PRNP: variants seen among roughly 807,000 people sequenced by gnomAD.
PRNP encodes the protein prion protein (Kanno blood group).
In PRNP, 15 loss-of-function variants were observed where a neutral mutation model predicts 21.3. The observed-to-expected ratio is 0.71, with a 90% CI of 0.47 to 1.09. The LOEUF is 1.09. PRNP is among the 50% of genes least tolerant of loss of function. PRNP has a pLI of 0.00. For synonymous variants in PRNP, 121 were observed against 123.1 expected, an observed-to-expected ratio of 0.98 and a Z score of 0.11; for missense variants, 285 against 340.9, an observed-to-expected ratio of 0.84 and a Z score of 1.29.
chr20:4,699,346 C>A lies in PRNP; in HGVS notation c.126C>A (p.Gly42=). The part of the protein sequence containing the change: ...NTGGSRYPGQ[G]SPGGNRYPPQ... ...GGGGCAGCCGATACCCGGGGCAGGG[C>A]AGCCCTGGAGGCAACCGCTACCCAC... is the stretch of plus-strand genomic sequence containing the variant. The change falls in exon 2 of 2, where the codon GGC becomes GGA. Residue 42 remains glycine (G), a synonymous_variant. Coordinates refer to ENST00000379440, the MANE Select transcript of PRNP (RefSeq NM_000311.5). The surrounding 1 kb of genome is among the most constrained non-coding windows in gnomAD (Gnocchi z 5.8). 1 of 1,613,716 alleles carries A rather than the reference C, an allele frequency of 6.2e-7. No individual in the cohort carries two copies. Among genetic ancestry groups the A allele is most frequent in the Non-Finnish European group, 8.5e-7 (1 of 1,179,912 alleles).
chr20:4,699,871 G>A lies in PRNP; in HGVS notation c.651G>A (p.Gln217=). 6.2e-7 allele frequency: 1 copy of A among 1,613,718 alleles called. No individual in the cohort carries two copies. The highest frequency in any genetic ancestry group is 8.5e-7 in the Non-Finnish European group (1 of 1,179,946). The change falls in exon 2 of 2, where the codon CAG becomes CAA. Residue 217 remains glutamine (Q), a synonymous_variant. Transcript: ENST00000379440. This position sits in a 1 kb window ranked among gnomAD's most constrained non-coding sequence, Gnocchi z 5.8. ...ERVVEQMCIT[Q]YERESQAYYQ... The stretch of plus-strand genomic sequence containing the variant: ...TGGTTGAGCAGATGTGTATCACCCA[G>A]TACGAGAGGGAATCTCAGGCCTATT...
intron 1 of PRNP, among the ~76,000 whole-genome samples, chr20:4,696,473 C>G (rs1235315364): frequency 6.6e-6 from 1 of 152,202 alleles, no homozygotes; most frequent in Non-Finnish European, 1.5e-5. Flanking sequence ...GACCTTCAGT[C>G]CCACAACCTT....
intron 1 of PRNP, among the ~76,000 whole-genome samples, chr20:4,694,398 TA>T (rs1357160962): frequency 6.6e-6 from 1 of 152,174 alleles, no homozygotes; most frequent in Non-Finnish European, 1.5e-5. Flanking sequence ...AAATATTTCT[TA>T]AATGAATTAA....
In PRNP at chr20:4,700,054, C is replaced by T. The variant is rs948700615; in HGVS notation, c.*72C>T. On this transcript the variant is annotated 3_prime_UTR_variant, in exon 2 of 2. Transcript: ENST00000379440. The surrounding 1 kb of genome is among the most constrained non-coding windows in gnomAD (Gnocchi z 4.1). ...GAGGGAGGCGGTATCCACCTGCAGC[C>T]CTTTTAGTGGTGGTGTCTCACTCTT... 1 of 1,552,390 alleles carries T rather than the reference C, an allele frequency of 6.4e-7. No individual in the cohort carries two copies. Among genetic ancestry groups the T allele is most frequent in the African/African-American group, 1.4e-5 (1 of 73,026 alleles).
chr20:4,700,221 AG>A lies in PRNP; in HGVS notation c.*240del. The A allele has an allele frequency of 7.6e-7, 1 of 1,317,134 alleles. No homozygotes were observed. The highest frequency in any genetic ancestry group is 1.5e-5 in the African/African-American group (1 of 68,344). 81.6% of individuals were successfully genotyped at this position (1,317,134 alleles called of 1,614,324 possible). ...CCGTTGCTAATGCCAGGCCAGTAAAAGTATAACAGCAAATAACCATTGGTTA... is the reference window on the plus strand; with the variant it reads ...CCGTTGCTAATGCCAGGCCAGTAAAATATAACAGCAAATAACCATTGGTTA... On this transcript the variant is annotated 3_prime_UTR_variant, in exon 2 of 2. Transcript: ENST00000379440. The surrounding 1 kb of genome is among the most constrained non-coding windows in gnomAD (Gnocchi z 4.1).
At chr20:4,692,637 G>A (rs1208317894) in intron 1 of PRNP, among the ~76,000 whole-genome samples, 2 of 152,056 alleles carry the variant, frequency 1.3e-5, no homozygotes, top group Admixed American at 6.5e-5. Context: ...AAAAATTTAG[G>A]AATGATATTG....
rs1382858633 is a variant in PRNP at position 4,699,413 on chromosome 20, T to G, written c.193T>G (p.Trp65Gly). 6.2e-7 allele frequency: 1 copy of G among 1,612,578 alleles called. No homozygotes were observed. The highest frequency in any genetic ancestry group is 8.5e-7 in the Non-Finnish European group (1 of 1,179,588). ...CTGGGGGCAGCCTCATGGTGGTGGC[T>G]GGGGGCAGCCTCATGGTGGTGGCTG... is the stretch of plus-strand genomic sequence containing the variant. ...GGWGQPHGGGWGQPHGGGWGQ... is the reference protein window; with the variant it reads ...GGWGQPHGGGGGQPHGGGWGQ... Residue 65 changes from tryptophan (W) to glycine (G), a missense_variant, in exon 2 of 2, where the codon TGG (tryptophan) becomes GGG (glycine). Transcript: ENST00000379440. The surrounding 1 kb of genome is among the most constrained non-coding windows in gnomAD (Gnocchi z 5.8).
chr20:4,694,090 A>C (rs1601015430), intron 1 of PRNP, among the ~76,000 whole-genome samples: 1 of 152,106 alleles, frequency 6.6e-6, no homozygotes, highest in South Asian at 2.1e-4. Flanking sequence ...CAAGAAAAAA[A>C]AAAAAAGGTT....
In PRNP at chr20:4,700,829, AG is replaced by A. The variant is rs1329182709; in HGVS notation, c.*848del. The A allele has an allele frequency of 6.0e-6, 1 of 167,256 alleles. No homozygotes were observed. Among genetic ancestry groups the A allele is most frequent in the Non-Finnish European group, 1.5e-5 (1 of 68,370 alleles). 10.4% of individuals were successfully genotyped at this position (167,256 alleles called of 1,614,324 possible). A position where few individuals can be genotyped will look rare whatever the true frequency, so the allele number is the denominator to read the frequency against. ...GCAGCTGAAAAGTAAATTGCCTTCT[AG>A]ACACTGAAGGCAAATCTCCTTTGTC... On this transcript the variant is annotated 3_prime_UTR_variant, in exon 2 of 2. Transcript: ENST00000379440. The surrounding 1 kb of genome is among the most constrained non-coding windows in gnomAD (Gnocchi z 4.1).
intron 1 of PRNP, among the ~76,000 whole-genome samples, chr20:4,696,059 G>A (rs1922149539): frequency 6.6e-6 from 1 of 152,042 alleles, no homozygotes; most frequent in East Asian, 1.9e-4. Flanking sequence ...TGGTTTTGTA[G>A]TGATTTCATG....
rs750069679 is a variant in PRNP at position 4,699,418 on chromosome 20, G to A, written c.198G>A (p.Gly66=). 8 of 1,612,210 alleles carry A rather than the reference G, an allele frequency of 5.0e-6. No individual in the cohort carries two copies. In the South Asian group the frequency reaches 8.8e-5, roughly 18 times the overall value. ...GGCAGCCTCATGGTGGTGGCTGGGG[G>A]CAGCCTCATGGTGGTGGCTGGGGGC... ...GWGQPHGGGW[G]QPHGGGWGQP... is the part of the protein sequence containing the mutation. Residue 66 remains glycine, a synonymous_variant, in exon 2 of 2, where the codon GGG becomes GGA. Transcript: ENST00000379440. The surrounding 1 kb of genome is among the most constrained non-coding windows in gnomAD (Gnocchi z 5.8).
chr20:4,700,908 A>G lies in PRNP; in HGVS notation c.*926A>G, dbSNP rs1012676747. The stretch of plus-strand genomic sequence containing the variant: ...GACATACAGGAGAGCTGCAGTTGTG[A>G]AAGCACCATCATCATAGAGGATGAT... On this transcript the variant is annotated 3_prime_UTR_variant, in exon 2 of 2. Transcript: ENST00000379440. The surrounding 1 kb of genome is among the most constrained non-coding windows in gnomAD (Gnocchi z 4.1). The G allele has an allele frequency of 6.0e-6, 1 of 166,858 alleles. No homozygotes were observed. Among genetic ancestry groups the G allele is most frequent in the Non-Finnish European group, 1.5e-5 (1 of 68,140 alleles). 10.3% of individuals were successfully genotyped at this position (166,858 alleles called of 1,614,324 possible).
intron 1 of PRNP, among the ~76,000 whole-genome samples, chr20:4,693,434 G>A (rs1419631750): frequency 6.6e-6 from 1 of 152,164 alleles, no homozygotes; most frequent in Non-Finnish European, 1.5e-5. Flanking sequence ...GCTTCCCAAA[G>A]TGCTGGGATT....
At chr20:4,692,762 A>G (rs2122209283) in intron 1 of PRNP, among the ~76,000 whole-genome samples, 1 of 152,262 alleles carries the variant, frequency 6.6e-6, no homozygotes, top group East Asian at 1.9e-4. Context: ...ATTGGTCATA[A>G]TGTATTCTTC....
In PRNP at chr20:4,699,616, T is replaced by C. The variant is rs760128443; in HGVS notation, c.396T>C (p.Ser132=). Residue 132 remains serine (S), a synonymous_variant, in exon 2 of 2, where the codon AGT becomes AGC. Coordinates refer to ENST00000379440, the MANE Select transcript of PRNP (RefSeq NM_000311.5). This position sits in a 1 kb window ranked among gnomAD's most constrained non-coding sequence, Gnocchi z 5.8. ...GCCTTGGCGGCTACATGCTGGGAAG[T>C]GCCATGAGCAGGCCCATCATACATT... ...VGGLGGYMLG[S]AMSRPIIHFG... is the part of the protein sequence containing the mutation. The C allele has an allele frequency of 2.5e-6, 4 of 1,613,912 alleles. No individual in the cohort carries two copies. Among genetic ancestry groups the C allele is most frequent in the Non-Finnish European group, 2.5e-6 (3 of 1,179,946 alleles).
intron 1 of PRNP, among the ~76,000 whole-genome samples, chr20:4,690,262 G>A (rs1921738803): frequency 6.6e-6 from 1 of 152,184 alleles, no homozygotes; most frequent in Non-Finnish European, 1.5e-5. Context: ...AAGGTCGGGG[G>A]TTGTTTGACA....
chr20:4,699,859 G>A lies in PRNP; in HGVS notation c.639G>A (p.Met213Ile), dbSNP rs1922471759. The change falls in exon 2 of 2, where the codon ATG becomes ATA. Residue 213 changes from methionine (M) to isoleucine (I), a missense_variant. Physicochemically the swap from Met to Ile is conservative, Grantham distance 10. Transcript: ENST00000379440. This position sits in a 1 kb window ranked among gnomAD's most constrained non-coding sequence, Gnocchi z 5.8. ...VKMMERVVEQMCITQYERESQ... is the reference protein window; with the variant it reads ...VKMMERVVEQICITQYERESQ... ...TGATGGAGCGCGTGGTTGAGCAGAT[G>A]TGTATCACCCAGTACGAGAGGGAAT... The A allele has an allele frequency of 6.2e-7, 1 of 1,613,628 alleles. No homozygotes were observed. The highest frequency in any genetic ancestry group is 1.3e-5 in the African/African-American group (1 of 74,772).
intron 1 of PRNP, among the ~76,000 whole-genome samples, chr20:4,696,926 G>A (rs538887387): frequency 6.6e-6 from 1 of 152,102 alleles, no homozygotes; most frequent in South Asian, 2.1e-4. Context: ...CCATGTCCTC[G>A]CCTGTTCAGG....
At chr20:4,693,917 C>T (rs535207780) in intron 1 of PRNP, among the ~76,000 whole-genome samples, 102 of 143,972 alleles carry the variant, frequency 7.1e-4, no homozygotes, top group African/African-American at 2.6e-3. Flanking sequence ...GGCAACATGG[C>T]AAGACCCCAT....
Sources: gnomAD v4.1 joint callset for allele counts (sites outside exome capture counted in the v4.1 genomes callset) on GRCh38, gnomAD v4.1.1 for gene constraint, Gnocchi (gnomAD v3.1) non-coding constraint, MANE v1.5 for transcripts, NCBI Gene and HGNC (gene_info 2026-07-23, HGNC 2026-07-21) for gene names.